The following TNRC6B variants were observed in gnomAD, a reference collection of about 807,000 sequenced individuals.
The protein encoded by TNRC6B is trinucleotide repeat-containing gene 6B protein.
Under a neutral mutation model 203.6 loss-of-function variants are expected in TNRC6B, and 52 were observed. That is an observed-to-expected ratio of 0.26 (90% CI 0.20 to 0.32). TNRC6B has a LOEUF of 0.32. TNRC6B is among the 10% of genes least tolerant of loss of function. TNRC6B has a pLI of 1.00. For synonymous variants in TNRC6B, 838 were observed against 845.7 expected, an observed-to-expected ratio of 0.99 and a Z score of 0.16; for missense variants, 1,923 against 2,286.2, an observed-to-expected ratio of 0.84 and a Z score of 3.24.
chr22:40,110,783 G>A (rs1450051188), intron 1 of TNRC6B, among the ~76,000 whole-genome samples: 3 of 152,178 alleles, frequency 2.0e-5, no homozygotes, highest in Admixed American at 2.0e-4. Flanking sequence ...AGGAAGTCTG[G>A]GGATGCTGTG....
intron 1 of TNRC6B, among the ~76,000 whole-genome samples, chr22:40,203,328 A>G (rs566263406): frequency 3.8e-4 from 58 of 152,150 alleles, no homozygotes; most frequent in African/African-American, 1.3e-3. Context: ...TTCTGGTTCT[A>G]TGACCCACTT....
At chr22:40,160,097 T>G (rs11705389) in intron 4 of TNRC6B, among the ~76,000 whole-genome samples, 1 of 151,980 alleles carries the variant, frequency 6.6e-6, no homozygotes, top group Non-Finnish European at 1.5e-5. Context: ...ATTACAGGCA[T>G]GAACCTCCTT....
intron 1 of TNRC6B, among the ~76,000 whole-genome samples, chr22:40,224,851 G>A (rs940863148): frequency 4.6e-5 from 7 of 152,180 alleles, no homozygotes; most frequent in Admixed American, 1.3e-4. Flanking sequence ...TTCTCCGGGC[G>A]CCGTGTGCCT....
intron 1 of TNRC6B, among the ~76,000 whole-genome samples, chr22:40,111,732 A>G (rs2068336995): frequency 1.3e-5 from 2 of 152,204 alleles, no homozygotes; most frequent in Admixed American, 1.3e-4. Context: ...GATAGTTCTA[A>G]AGACTGTAAG....
intron 1 of TNRC6B, among the ~76,000 whole-genome samples, chr22:40,067,750 A>G (rs940390693): frequency 5.9e-5 from 9 of 152,142 alleles, no homozygotes; most frequent in African/African-American, 2.2e-4. Flanking sequence ...CCCTTCTTCT[A>G]CAGGGTTTTT....
chr22:40,305,105 C>T (rs376646564), intron 15 of TNRC6B, among the ~76,000 whole-genome samples: 8 of 152,256 alleles, frequency 5.3e-5, no homozygotes, highest in East Asian at 1.9e-4. Context: ...AGCCAAAAGT[C>T]GTGAACAGAC....
intron 3 of TNRC6B, among the ~76,000 whole-genome samples, chr22:40,150,383 A>AT (rs1479943273): frequency 6.6e-6 from 1 of 152,192 alleles, no homozygotes; most frequent in Admixed American, 6.6e-5. Flanking sequence ...ATCTCAAAAA[A>AT]ATATATATTT....
At chr22:40,053,246 C>G (rs995011539) in intron 1 of TNRC6B, among the ~76,000 whole-genome samples, 2 of 151,240 alleles carry the variant, frequency 1.3e-5, no homozygotes, top group African/African-American at 4.9e-5. Flanking sequence ...TTTAATAAGA[C>G]TGACTTTCTT....
rs933675491 is a variant in TNRC6B at position 40,273,653 on chromosome 22, C to G, written c.3141+53C>G. The G allele has an allele frequency of 4.0e-6, 6 of 1,483,746 alleles. No homozygotes were observed. In the African/African-American group the frequency reaches 7.0e-5, roughly 17 times the overall value. 91.9% of individuals were successfully genotyped at this position (1,483,746 alleles called of 1,614,324 possible). ...GCTCATTCGCTCTGAGAAGGCAGAACTGAGGTTTTGTTTTGTTTGTTTTTG... is the reference window on the plus strand; with the variant it reads ...GCTCATTCGCTCTGAGAAGGCAGAAGTGAGGTTTTGTTTTGTTTGTTTTTG... On this transcript the variant is annotated intron_variant, in intron 7 of 22. Transcript: ENST00000454349.
At chr22:40,280,671 TCCAGAATA>T (rs2070710994) in intron 10 of TNRC6B, among the ~76,000 whole-genome samples, 1 of 152,256 alleles carries the variant, frequency 6.6e-6, no homozygotes, top group South Asian at 2.1e-4. Context: ...TATATCTTGA[TCCAGAATA>T]CCAATTTGCT....
At chr22:40,146,155 T>A (rs2146342805) in intron 3 of TNRC6B, among the ~76,000 whole-genome samples, 1 of 152,314 alleles carries the variant, frequency 6.6e-6, no homozygotes, top group East Asian at 1.9e-4. Context: ...TGTGCCAGGC[T>A]TCTGGTGAAT....
chr22:40,232,291 A>G (rs1468093548), intron 1 of TNRC6B, among the ~76,000 whole-genome samples: 2 of 152,232 alleles, frequency 1.3e-5, no homozygotes, highest in Non-Finnish European at 2.9e-5. Flanking sequence ...GGATGAGGGT[A>G]GACAAACTGG....
At chr22:40,104,674 A>C (rs2068266802) in intron 1 of TNRC6B, among the ~76,000 whole-genome samples, 1 of 152,200 alleles carries the variant, frequency 6.6e-6, no homozygotes, top group South Asian at 2.1e-4. Context: ...GAAGCAGAGG[A>C]TCTAACAAGG....
intron 1 of TNRC6B, among the ~76,000 whole-genome samples, chr22:40,063,432 T>C (rs1227753733): frequency 1.3e-5 from 2 of 152,260 alleles, no homozygotes; most frequent in African/African-American, 4.8e-5. Context: ...AATTTTAGGA[T>C]CAGCTTCTCC....
At chr22:40,082,989 T>C (rs1171770888) in intron 1 of TNRC6B, among the ~76,000 whole-genome samples, 1 of 152,194 alleles carries the variant, frequency 6.6e-6, no homozygotes, top group Non-Finnish European at 1.5e-5. Context: ...GAACTGGAGT[T>C]CCAAGGAAAG....
intron 4 of TNRC6B, among the ~76,000 whole-genome samples, chr22:40,156,468 T>C (rs762054164): frequency 6.6e-5 from 10 of 152,226 alleles, no homozygotes; most frequent in Non-Finnish European, 1.3e-4. Context: ...TAATTCTGTT[T>C]GGTTGATTTC....
chr22:40,202,880 G>A (rs778615326), intron 1 of TNRC6B, among the ~76,000 whole-genome samples: 4 of 152,110 alleles, frequency 2.6e-5, no homozygotes, highest in Non-Finnish European at 4.4e-5. Flanking sequence ...GCTTCCATCC[G>A]TCTTATTTCC....
intron 12 of TNRC6B, among the ~76,000 whole-genome samples, chr22:40,299,723 G>A (rs139651338): frequency 1.1e-4 from 17 of 152,266 alleles, no homozygotes; most frequent in African/African-American, 3.4e-4. Context: ...TGGCACTCAC[G>A]GACACGTTCT....
In TNRC6B at chr22:40,135,262, T is replaced by G. The variant is rs546358244; in HGVS notation, c.45+9400T>G. On this transcript the variant is annotated intron_variant, in intron 3 of 23. Transcript: ENST00000301923. The stretch of plus-strand genomic sequence containing the variant: ...TGAATTAAAGCAAGTCACAGGACCA[T>G]CCCAGACTCAAGGGGAGGAGAAACA... Among the ~76,000 whole-genome samples, 3 of 152,226 alleles carry G rather than the reference T, an allele frequency of 2.0e-5. No homozygotes were observed. In the South Asian group the frequency reaches 6.2e-4, roughly 32 times the overall value.
Sources: gnomAD v4.1 joint callset for allele counts (sites outside exome capture counted in the v4.1 genomes callset) on GRCh38, gnomAD v4.1.1 for gene constraint, MANE v1.5 for transcripts, NCBI Gene and HGNC (gene_info 2026-07-23, HGNC 2026-07-21) for gene names.